The following FBXL17 variants were observed in gnomAD, a reference collection of about 807,000 sequenced individuals.
FBXL17 encodes the protein F-box and leucine rich repeat protein 17.
A neutral mutation model predicts 66.2 loss-of-function variants in FBXL17; 22 were observed. The ratio of observed to expected loss-of-function variants is 0.33; its 90% CI spans 0.24 to 0.47. FBXL17 has a LOEUF of 0.47. Among genes scored for constraint, FBXL17 ranks in the 20% least tolerant of loss-of-function variants. The probability of loss-of-function intolerance (pLI) is 1.00; values close to 1 mark genes in which losing one functional copy is unlikely to be tolerated. For synonymous variants in FBXL17, 474 were observed against 400.5 expected (o/e 1.18, Z -2.19); for missense variants, 878 against 948.2 (o/e 0.93, Z 0.97).
Position 108,380,966 on chromosome 5 carries a change from G to C in FBXL17, c.726C>G (p.Pro242=). ...GGGCCTGGCAGCAGCCGGCGTCGGG[G>C]GGCCGGGGCGGCGAAGCGCCTCCCC... is the stretch of plus-strand genomic sequence containing the variant. The part of the protein sequence containing the change: ...PAGGGASPPR[P]PDAGCCQAPE... The change falls in exon 1 of 9, where the codon CCC becomes CCG. Residue 242 remains proline (P), a synonymous_variant. Transcript: ENST00000542267. 8.2e-7 allele frequency: 1 copy of C among 1,220,186 alleles called. No individual in the cohort carries two copies. The highest frequency in any genetic ancestry group is 1.0e-6 in the Non-Finnish European group (1 of 979,808). 75.6% of individuals were successfully genotyped at this position (1,220,186 alleles called of 1,614,324 possible).
intron 6 of FBXL17, among the ~76,000 whole-genome samples, chr5:108,133,780 C>T (rs988954591): frequency 9.2e-5 from 14 of 152,150 alleles, no homozygotes; most frequent in African/African-American, 3.4e-4. Context: ...TCTATTCTTA[C>T]TGACTGTAAA....
intron 7 of FBXL17, among the ~76,000 whole-genome samples, chr5:107,967,115 T>A (rs1361533169): frequency 6.6e-6 from 1 of 152,142 alleles, no homozygotes; most frequent in Non-Finnish European, 1.5e-5. Context: ...TTCCATCAAC[T>A]ACACTATTCA....
chr5:108,342,582 A>G (rs1746955046), intron 4 of FBXL17, among the ~76,000 whole-genome samples: 1 of 152,208 alleles, frequency 6.6e-6, no homozygotes, highest in East Asian at 1.9e-4. Context: ...GTGGATTAGC[A>G]TTACAGGTAA....
chr5:108,228,476 C>T (rs1755191576), intron 4 of FBXL17, among the ~76,000 whole-genome samples: 1 of 152,170 alleles, frequency 6.6e-6, no homozygotes, highest in Admixed American at 6.5e-5. Flanking sequence ...CATTTCTCCT[C>T]TCTATACACT....
intron 6 of FBXL17, among the ~76,000 whole-genome samples, chr5:108,086,762 T>C (rs1748987567): frequency 6.6e-6 from 1 of 152,136 alleles, no homozygotes; most frequent in Non-Finnish European, 1.5e-5. Flanking sequence ...GGTTTCACCA[T>C]GTTTGCCAGG....
rs1397335151 is a variant in FBXL17, at chr5:107,859,565, C to A, written c.*2155G>T. On this transcript the variant is annotated 3_prime_UTR_variant, in exon 9 of 9. Transcript: ENST00000542267. ...CAAGTCCCCACCCCACCCCCACCCCCCCAAGCTAAAGCATGTTATAGTGCT... is the reference window on the plus strand; with the variant it reads ...CAAGTCCCCACCCCACCCCCACCCCACCAAGCTAAAGCATGTTATAGTGCT... 3 of 148,382 alleles carry A rather than the reference C, an allele frequency of 2.0e-5. No homozygotes were observed. The highest frequency in any genetic ancestry group is 3.0e-5 in the Non-Finnish European group (2 of 67,164). The allele number at this position is 148,382 out of a possible 1,614,324, so 9.2% of individuals were successfully genotyped here.
chr5:108,022,038 T>G (rs1754624591), intron 6 of FBXL17, among the ~76,000 whole-genome samples: 1 of 151,922 alleles, frequency 6.6e-6, no homozygotes, highest in Non-Finnish European at 1.5e-5. Flanking sequence ...TCAGGAAATT[T>G]TATACAATTT....
At chr5:108,182,135 G>A (rs1369967222) in intron 6 of FBXL17, among the ~76,000 whole-genome samples, 1 of 152,176 alleles carries the variant, frequency 6.6e-6, no homozygotes, top group Admixed American at 6.5e-5. Flanking sequence ...TGACCTTTGA[G>A]AACAGCAGGA....
chr5:107,929,493 T>TA (rs1261874786), intron 7 of FBXL17, among the ~76,000 whole-genome samples: 1 of 152,110 alleles, frequency 6.6e-6, no homozygotes, highest in Non-Finnish European at 1.5e-5. Flanking sequence ...AATAGTAAAA[T>TA]AAAAATACTT....
At position 108,381,696 on chromosome 5, in the gene FBXL17, A is replaced by G; in HGVS notation, c.-5T>C. 1 of 1,460,062 alleles carries G rather than the reference A, an allele frequency of 6.8e-7. No homozygotes were observed. Among genetic ancestry groups the G allele is most frequent in the South Asian group, 1.3e-5 (1 of 76,232 alleles). The allele number at this position is 1,460,062 out of a possible 1,614,324, so 90.4% of individuals were successfully genotyped here. ...CTTCGAGAGAAGGTGGCCCATATAG[A>G]AGGCCCCGAGGAGGGGGACCGGGAC... On this transcript the variant is annotated 5_prime_UTR_variant, in exon 1 of 9. Transcript: ENST00000542267.
At chr5:107,891,660 T>G (rs1749201557) in intron 7 of FBXL17, among the ~76,000 whole-genome samples, 2 of 152,102 alleles carry the variant, frequency 1.3e-5, no homozygotes, top group African/African-American at 4.8e-5. Flanking sequence ...AAAAAAAAAT[T>G]TTCTTGGCTC....
At chr5:108,070,636 T>C (rs191912043) in intron 6 of FBXL17, among the ~76,000 whole-genome samples, 1 of 152,320 alleles carries the variant, frequency 6.6e-6, no homozygotes, top group Admixed American at 6.5e-5. Flanking sequence ...ATTGCAAGGA[T>C]CTCAGCATTT....
Position 107,975,052 on chromosome 5 carries a change from A to G in FBXL17, c.1822+45873T>C, listed in dbSNP as rs367576078. ...TAGACGAGAGTCCTAAAAATATAGT[A>G]AGATTATAGTCTTTGTTCTGGGAGT... On this transcript the variant is annotated intron_variant, in intron 7 of 8. Coordinates refer to ENST00000542267, the MANE Select transcript of FBXL17 (RefSeq NM_001163315.3). Among the ~76,000 whole-genome samples, 8 of 152,304 alleles carry G rather than the reference A, an allele frequency of 5.3e-5. No individual in the cohort carries two copies. The South Asian group carries it at 1.7e-3, about 32-fold the overall frequency.
chr5:108,155,604 C>A (rs2150000983), intron 6 of FBXL17, among the ~76,000 whole-genome samples: 1 of 152,216 alleles, frequency 6.6e-6, no homozygotes, highest in Middle Eastern at 3.4e-3. Flanking sequence ...GAACAATGAG[C>A]AACATTTTGA....
At chr5:107,923,630 A>G (rs185290022) in intron 7 of FBXL17, among the ~76,000 whole-genome samples, 1 of 152,276 alleles carries the variant, frequency 6.6e-6, no homozygotes, top group East Asian at 1.9e-4. Context: ...TTTAAAGCTT[A>G]TATTATTGCT....
chr5:107,921,253 G>T lies in FBXL17; in HGVS notation c.1823-40074C>A, dbSNP rs1750309153. On this transcript the variant is annotated intron_variant, in intron 7 of 8. Transcript: ENST00000542267. ...ATTATTTACACACTAGCAGCTCAAT[G>T]ACTATAATGTAGTCCCTGAGGCTTC... is the stretch of plus-strand genomic sequence containing the variant. 3.9e-5 allele frequency among the ~76,000 whole-genome samples: 6 copies of T among 152,308 alleles called. 1 individual carries two copies. The Middle Eastern group carries it at 0.01, about 259-fold the overall frequency.
intron 7 of FBXL17, among the ~76,000 whole-genome samples, chr5:107,950,150 T>G (rs1201977670): frequency 6.6e-6 from 1 of 152,142 alleles, no homozygotes; most frequent in African/African-American, 2.4e-5. Flanking sequence ...AAGGGGAACA[T>G]TAGCCTAGGC....
chr5:108,227,917 T>A (rs148107683), intron 4 of FBXL17, among the ~76,000 whole-genome samples: 2 of 152,138 alleles, frequency 1.3e-5, no homozygotes, highest in African/African-American at 4.8e-5. Context: ...AGAGGTTAAG[T>A]ACATGGTCAG....
chr5:107,961,802 G>C (rs1751918731), intron 7 of FBXL17, among the ~76,000 whole-genome samples: 1 of 152,122 alleles, frequency 6.6e-6, no homozygotes, highest in Non-Finnish European at 1.5e-5. Flanking sequence ...GGGCTTCTCA[G>C]CTAAACTTTT....
Sources: gnomAD v4.1 joint callset for allele counts (sites outside exome capture counted in the v4.1 genomes callset) on GRCh38, gnomAD v4.1.1 for gene constraint, MANE v1.5 for transcripts, NCBI Gene and HGNC (gene_info 2026-07-23, HGNC 2026-07-21) for gene names.